Variants in HENMT1 observed in about 807,000 individuals in gnomAD.
HENMT1 encodes the protein HEN methyltransferase 1.
Under a neutral mutation model 31.1 loss-of-function variants are expected in HENMT1, and 27 were observed. That is an observed-to-expected ratio of 0.87 (90% CI 0.64 to 1.20). The LOEUF is 1.20. HENMT1 is among the 50% of genes most tolerant of loss of function. The pLI is 0.00. For missense variants in HENMT1, 438 were observed against 469.6 expected (o/e 0.93, Z 0.62); for synonymous variants, 167 against 172.2 (o/e 0.97, Z 0.24).
chr1:108,660,121 C>CAA (rs34387673), intron 1 of HENMT1, among the ~76,000 whole-genome samples, 159 bp from the exon 2 acceptor site: 3,713 of 125,766 alleles, frequency 0.03, 125 homozygotes, highest in African/African-American at 0.058. Context: ...TCTGAGTACT[C>CAA]AAAAAAAAAA....
intron 4 of HENMT1, among the ~76,000 whole-genome samples, chr1:108,655,260 C>G (rs961604585): frequency 6.6e-6 from 1 of 152,024 alleles, no homozygotes; most frequent in Non-Finnish European, 1.5e-5. Flanking sequence ...TGGCCTGGAG[C>G]CTTGGCCTCA....
Position 108,648,866 on chromosome 1 carries a change from A to G in HENMT1, c.882T>C (p.Ala294=), listed in dbSNP as rs773782978. 6.2e-7 allele frequency: 1 copy of G among 1,614,226 alleles called. No homozygotes were observed. The highest frequency in any genetic ancestry group is 8.5e-7 in the Non-Finnish European group (1 of 1,180,034). ...CTTTGGGCTTATCACCCCGTTCCCCAGCCTGTTCTTTCCGCCTTGGCAGGT... is the reference window on the plus strand; with the variant it reads ...CTTTGGGCTTATCACCCCGTTCCCCGGCCTGTTCTTTCCGCCTTGGCAGGT... ...VSHLPRRKEQ[A]GERGDKPKDI... is the part of the protein sequence containing the mutation. Residue 294 remains alanine (A), a synonymous_variant, in exon 8 of 8, where the codon GCT becomes GCC. Transcript: ENST00000651461.
At chr1:108,650,410 C>T in intron 6 of HENMT1, 22 bp from the exon 7 acceptor site, 1 of 1,595,646 alleles carries the variant, frequency 6.3e-7, no homozygotes, top group East Asian at 2.2e-5. Context: ...ACGAGGACAG[C>T]AATCATTTTT....
Position 108,658,070 on chromosome 1 carries a change from TACACACACAC to T in HENMT1, c.22-501_22-492del, listed in dbSNP as rs139208659. Among the ~76,000 whole-genome samples, 983 of 140,128 alleles carry T rather than the reference TACACACACAC, an allele frequency of 7.0e-3. 25 individuals are homozygous for T. The highest frequency in any genetic ancestry group is 0.024 in the African/African-American group (910 of 37,262). The allele number at this position is 140,128 out of a possible 152,430, so 91.9% of individuals were successfully genotyped here. A position where few individuals can be genotyped will look rare whatever the true frequency, so the allele number is the denominator to read the frequency against. The stretch of plus-strand genomic sequence containing the variant: ...ATACACACACACACACATATATATG[TACACACACAC>T]ACACACACACACACATATATACACA... On this transcript the variant is annotated intron_variant, in intron 2 of 7. Transcript: ENST00000651461.
rs551208364 is a variant in HENMT1, at chr1:108,661,038, A to T, written c.-154T>A. 1,194 of 983,668 alleles carry T rather than the reference A, an allele frequency of 1.2e-3. 15 individuals are homozygous for T. The African/African-American group carries it at 0.02, about 16-fold the overall frequency. The allele number at this position is 983,668 out of a possible 1,614,324, so 60.9% of individuals were successfully genotyped here. On this transcript the variant is annotated 5_prime_UTR_variant, in exon 1 of 8. Coordinates refer to ENST00000651461, the MANE Select transcript of HENMT1 (RefSeq NM_001102592.2). ...GGTAAGCAGCATGCCCAACCGAAAA[A>T]ACAAAGCTCGTCGCGGAGCCGCCAG... is the stretch of plus-strand genomic sequence containing the variant.
At chr1:108,650,982 T>G (rs755690726) in intron 6 of HENMT1, 48 bp downstream of exon 6, 4 of 1,357,298 alleles carry the variant, frequency 2.9e-6, no homozygotes, top group Non-Finnish European at 4.1e-6. Flanking sequence ...TCCTAAGATT[T>G]TAAACTCCAA....
chr1:108,650,093 G>A, intron 7 of HENMT1, 118 bp downstream of exon 7: 2 of 907,852 alleles, frequency 2.2e-6, no homozygotes, highest in Non-Finnish European at 3.6e-6. Context: ...CTCCTAGAGT[G>A]AACCACAAAG....
chr1:108,659,830 G>A (rs369667989), intron 2 of HENMT1, 34 bp downstream of exon 2: 7 of 1,294,070 alleles, frequency 5.4e-6, no homozygotes, highest in Non-Finnish European at 6.7e-6. Flanking sequence ...TAATTCTTAA[G>A]AGTCAAAGAC....
intron 1 of HENMT1, 101 bp from the exon 2 acceptor site, chr1:108,660,063 C>A: frequency 5.3e-5 from 20 of 379,022 alleles, no homozygotes; most frequent in East Asian, 1.1e-4. Context: ...CTCCTTACTA[C>A]AGTATATAAT....
In HENMT1 at chr1:108,650,291, T is replaced by C; in HGVS notation, c.676A>G (p.Ile226Val). 1 of 1,614,174 alleles carries C rather than the reference T, an allele frequency of 6.2e-7. No homozygotes were observed. Among genetic ancestry groups the C allele is most frequent in the Non-Finnish European group, 8.5e-7 (1 of 1,180,000 alleles). Reference protein sequence around the residue: ...GAENVGYCTQIGIFRKNGGKA... With the variant: ...GAENVGYCTQVGIFRKNGGKA... ...CCTCCATTTTTCCGGAAGATTCCTA[T>C]CTGGGTACAGTATCCAACATTCTCA... The change falls in exon 7 of 8, where the codon ATA becomes GTA. Residue 226 changes from isoleucine to valine, a missense_variant. Coordinates refer to ENST00000651461, the MANE Select transcript of HENMT1 (RefSeq NM_001102592.2).
intron 5 of HENMT1, chr1:108,651,562 T>G (rs1658054861): frequency 6.1e-6 from 1 of 163,708 alleles, no homozygotes; most frequent in African/African-American, 2.4e-5. Flanking sequence ...GGAGAATCAC[T>G]TGAACCCAGG....
At chr1:108,653,029 TC>T (rs201415303) in intron 5 of HENMT1, among the ~76,000 whole-genome samples, 1 of 150,292 alleles carries the variant, frequency 6.7e-6, no homozygotes, top group Non-Finnish European at 1.5e-5. Context: ...TGCATATACA[TC>T]CCTTTTTTTT....
In HENMT1 at chr1:108,649,011, CACTT is replaced by C. The variant is rs759268489; in HGVS notation, c.757-24_757-21del. The C allele has an allele frequency of 9.1e-6, 14 of 1,541,422 alleles. No individual in the cohort carries two copies. The highest frequency in any genetic ancestry group is 4.5e-5 in the East Asian group (2 of 44,260). On this transcript the variant is annotated intron_variant, in intron 7 of 7. Coordinates refer to ENST00000651461, the MANE Select transcript of HENMT1 (RefSeq NM_001102592.2). The stretch of plus-strand genomic sequence containing the variant: ...AAAAACCTGAAGGGAAAAAACAAAA[CACTT>C]ACAAGTGTATAATAATATAAACATA...
chr1:108,649,448 A>C (rs995932364), intron 7 of HENMT1: 18 of 442,412 alleles, frequency 4.1e-5, no homozygotes, highest in African/African-American at 3.7e-4. Flanking sequence ...GGAAAAAAAA[A>C]CAAAAAACAA....
chr1:108,651,694 GAA>G (rs1203586977), intron 5 of HENMT1, among the ~76,000 whole-genome samples: 2 of 143,300 alleles, frequency 1.4e-5, no homozygotes, highest in African/African-American at 2.6e-5. Context: ...AGAAAGAAAA[GAA>G]AGAGAGAGAG....
intron 5 of HENMT1, among the ~76,000 whole-genome samples, chr1:108,652,516 A>G (rs1476822624): frequency 1.3e-5 from 2 of 152,270 alleles, no homozygotes; most frequent in African/African-American, 2.4e-5. Flanking sequence ...TTGCAATTAT[A>G]TAACAATTAA....
At chr1:108,650,977 A>G (rs1183929965) in intron 6 of HENMT1, 53 bp downstream of exon 6, 1 of 1,299,564 alleles carries the variant, frequency 7.7e-7, no homozygotes, top group African/African-American at 1.5e-5. Flanking sequence ...TTATTTCCTA[A>G]GATTTTAAAC....
At chr1:108,656,105 C>G (rs1007090802) in intron 3 of HENMT1, among the ~76,000 whole-genome samples, 23 of 152,158 alleles carry the variant, frequency 1.5e-4, no homozygotes, top group African/African-American at 5.6e-4. Context: ...TTAGCTTTCA[C>G]CCCTCACACA....
chr1:108,659,524 C>T (rs908766667), intron 2 of HENMT1, among the ~76,000 whole-genome samples: 1 of 152,130 alleles, frequency 6.6e-6, no homozygotes, highest in African/African-American at 2.4e-5. Context: ...TTTAGAAACA[C>T]AAAAGCTTGG....
Sources: allele counts gnomAD v4.1 joint callset (sites outside exome capture counted in the v4.1 genomes callset), GRCh38; gene constraint gnomAD v4.1.1; transcripts MANE v1.5; gene names NCBI Gene and HGNC (gene_info 2026-07-23, HGNC 2026-07-21).